Variants in RSPH14 observed in about 807,000 individuals in gnomAD.
RSPH14 encodes rhabdoid tumor deletion region gene 1.
Under a neutral mutation model 26.7 loss-of-function variants are expected in RSPH14, and 20 were observed. The ratio of observed to expected loss-of-function variants is 0.75; its 90% CI spans 0.53 to 1.09. The LOEUF (loss-of-function observed/expected upper bound fraction) is 1.09. RSPH14 is among the 50% of genes least tolerant of loss of function. The pLI, the probability that RSPH14 is intolerant of heterozygous loss-of-function variation, is 0.00. For synonymous variants in RSPH14, 177 were observed against 189.3 expected, an observed-to-expected ratio of 0.93 and a Z score of 0.53; for missense variants, 449 against 457.2, an observed-to-expected ratio of 0.98 and a Z score of 0.16.
upstream of RSPH14, among the ~76,000 whole-genome samples, chr22:23,148,872 G>T (rs1303775708): frequency 2.0e-5 from 3 of 152,250 alleles, no homozygotes; most frequent in Non-Finnish European, 4.4e-5. Flanking sequence ...CATGGTAGCT[G>T]CTGCTCTTCT....
chr22:23,103,590 C>G (rs1254475578), intron 4 of RSPH14, among the ~76,000 whole-genome samples: 1 of 152,252 alleles, frequency 6.6e-6, no homozygotes, highest in South Asian at 2.1e-4. Context: ...CCCTCCCGCT[C>G]TTCCTCGGCA....
the RSPH14 span, chr22:23,161,636 G>C: frequency 7.6e-6 from 10 of 1,307,892 alleles, no homozygotes; most frequent in Admixed American, 2.0e-5. Context: ...GTGGTGTGGA[G>C]ACTGGAGCCC....
chr22:23,067,118 G>C (rs1028254512), intron 4 of RSPH14, among the ~76,000 whole-genome samples: 3 of 152,190 alleles, frequency 2.0e-5, no homozygotes, highest in African/African-American at 7.2e-5. Context: ...GTAGGGGCTA[G>C]GATGGGTTCA....
intron 5 of RSPH14, 28 bp from the exon 6 acceptor site, chr22:23,061,973 C>G: frequency 6.2e-7 from 1 of 1,613,106 alleles, no homozygotes; most frequent in Non-Finnish European, 8.5e-7. Flanking sequence ...CAGAGAGGGG[C>G]TCTGCTTGGA....
At chr22:23,152,522 C>CA in the RSPH14 span, 2 of 1,614,150 alleles carry the variant, frequency 1.2e-6, no homozygotes, top group Non-Finnish European at 1.7e-6. Flanking sequence ...CAGCCTCATC[C>CA]ACAGGTACAA....
rs564583965 is a variant in RSPH14 at position 23,123,984 on chromosome 22, T to C, written c.421+10042A>G. 3.3e-5 allele frequency: 7 copies of C among 214,414 alleles called. No individual in the cohort carries two copies. The South Asian group carries it at 4.4e-4, about 13-fold the overall frequency. The allele number at this position is 214,414 out of a possible 1,614,324, so 13.3% of individuals were successfully genotyped here. Reference sequence around the variant, plus strand: ...CTCAGCACCACTTTCATTCTGGACCTGGGACCTTAGGAGCCGGGTGACAGC... The same window carrying C: ...CTCAGCACCACTTTCATTCTGGACCCGGGACCTTAGGAGCCGGGTGACAGC... On this transcript the variant is annotated intron_variant, in intron 4 of 6. Coordinates refer to ENST00000216036, the MANE Select transcript of RSPH14 (RefSeq NM_014433.3).
chr22:23,134,186 C>T, intron 3 of RSPH14, 42 bp from the exon 4 acceptor site: 1 of 1,433,820 alleles, frequency 7.0e-7, no homozygotes, highest in Non-Finnish European at 9.7e-7. Flanking sequence ...TGAGACCATG[C>T]CCTGAGAGGC....
intron 4 of RSPH14, among the ~76,000 whole-genome samples, chr22:23,130,496 A>AAAGAAAGAAAGAAAGAAAG (rs2070332846): frequency 9.0e-6 from 1 of 110,692 alleles, no homozygotes; most frequent in South Asian, 3.3e-4. Context: ...GAAGGAAAGA[A>AAAGAAAGAAAGAAAGAAAG]AAAGAAAGAA....
chr22:23,060,867 G>A (rs972731036), intron 6 of RSPH14, among the ~76,000 whole-genome samples: 1 of 152,076 alleles, frequency 6.6e-6, no homozygotes, highest in African/African-American at 2.4e-5. Context: ...CATCTCCCTG[G>A]GTCTCAGCCT....
chr22:23,087,381 T>C (rs964532569), intron 4 of RSPH14, among the ~76,000 whole-genome samples: 1 of 152,112 alleles, frequency 6.6e-6, no homozygotes, highest in African/African-American at 2.4e-5. Flanking sequence ...GGAGGATCGC[T>C]TGAGCCCGGG....
At chr22:23,096,887 G>T (rs1569173611) in intron 4 of RSPH14, among the ~76,000 whole-genome samples, 1 of 152,340 alleles carries the variant, frequency 6.6e-6, no homozygotes, top group South Asian at 2.1e-4. Context: ...CAGGTGTTGG[G>T]ATTCTTTCAC....
intron 3 of RSPH14, chr22:23,137,692 C>G (rs1223521135): frequency 2.4e-6 from 1 of 411,194 alleles, no homozygotes; most frequent in African/African-American, 2.1e-5. Flanking sequence ...CCTTCTGGGC[C>G]TGTGCACACT....
At chr22:23,159,172 G>A in the RSPH14 span, 17 of 1,610,788 alleles carry the variant, frequency 1.1e-5, no homozygotes, top group South Asian at 4.4e-5. Flanking sequence ...GTCAGGGGCC[G>A]CATGTGAGCA....
chr22:23,165,250 A>G, the RSPH14 span, among the ~76,000 whole-genome samples: 1 of 152,246 alleles, frequency 6.6e-6, no homozygotes, highest in Admixed American at 6.5e-5. Flanking sequence ...TGTTCCCAGC[A>G]GACAGATTGC....
chr22:23,167,909 A>G, the RSPH14 span, among the ~76,000 whole-genome samples: 1 of 151,982 alleles, frequency 6.6e-6, no homozygotes, highest in Admixed American at 6.6e-5. Flanking sequence ...CTGGAGTGCA[A>G]TGGCGTGATC....
At chr22:23,138,798 C>A (rs537427906) in intron 3 of RSPH14, 42 bp downstream of exon 3, 23 of 1,493,212 alleles carry the variant, frequency 1.5e-5, no homozygotes, top group Non-Finnish European at 2.1e-5. Flanking sequence ...GGGAGAAGTG[C>A]GGCTCGCAAG....
At chr22:23,175,270 T>TTG in the RSPH14 span, among the ~76,000 whole-genome samples, 1 of 152,220 alleles carries the variant, frequency 6.6e-6, no homozygotes, top group African/African-American at 2.4e-5. Flanking sequence ...AGTGCTGGGA[T>TTG]TACAGGCGTC....
intron 4 of RSPH14, among the ~76,000 whole-genome samples, chr22:23,114,621 T>G (rs140911828): frequency 6.6e-6 from 1 of 152,238 alleles, no homozygotes; most frequent in African/African-American, 2.4e-5. Context: ...TGCCTGGGTG[T>G]GGGGACTAAG....
At chr22:23,134,548 C>CAAAAAAAA (rs59412175) in intron 3 of RSPH14, among the ~76,000 whole-genome samples, 1 of 86,148 alleles carries the variant, frequency 1.2e-5, no homozygotes, top group African/African-American at 4.6e-5. Context: ...AACTCCCAAC[C>CAAAAAAAA]AAAAAAAAAA....
Sources: allele counts gnomAD v4.1 joint callset (sites outside exome capture counted in the v4.1 genomes callset), GRCh38; gene constraint gnomAD v4.1.1; transcripts MANE v1.5; gene names NCBI Gene and HGNC (gene_info 2026-07-23, HGNC 2026-07-21).